EMC7: variants seen among roughly 807,000 people sequenced by gnomAD.
EMC7 encodes the protein endoplasmic reticulum membrane protein complex subunit 7.
A neutral mutation model predicts 24.4 loss-of-function variants in EMC7; 4 were observed. The ratio of observed to expected loss-of-function variants is 0.16; its 90% CI spans 0.08 to 0.38. The LOEUF (loss-of-function observed/expected upper bound fraction) is 0.38. Among genes scored for constraint, EMC7 ranks in the 10% least tolerant of loss-of-function variants. The probability of loss-of-function intolerance (pLI) is 1.00; values close to 1 mark genes in which losing one functional copy is unlikely to be tolerated. For missense variants in EMC7, 221 were observed against 300.6 expected (o/e 0.74, Z 1.96); for synonymous variants, 106 against 112.0 (o/e 0.95, Z 0.34).
rs1240474693 is a variant in EMC7, at chr15:34,095,910, G to C, written c.341C>G (p.Ser114Trp). Residue 114 changes from serine to tryptophan, a missense_variant, in exon 2 of 5, where the codon TCG (serine) becomes TGG (tryptophan). By Grantham distance (177) the Ser-to-Trp change is radical. Around this residue, in one of 2 missense-constraint regions of EMC7, gnomAD observed 156 missense variants for 177.1 expected, o/e 0.88. Transcript: ENST00000256545. ...RFDPVRVDIT[S>W]KGKMRARYVN... ...GTGCCCTCACCTCATTTTTCCTTTCGAAGTGATATCCACTCGAACGGGATC... is the reference window on the plus strand; with the variant it reads ...GTGCCCTCACCTCATTTTTCCTTTCCAAGTGATATCCACTCGAACGGGATC... The C allele has an allele frequency of 3.1e-6, 5 of 1,603,776 alleles. No individual in the cohort carries two copies. The highest frequency in any genetic ancestry group is 4.3e-6 in the Non-Finnish European group (5 of 1,172,940).
At chr15:34,092,083 T>C (rs1900980853) in intron 2 of EMC7, among the ~76,000 whole-genome samples, 4 of 152,042 alleles carry the variant, frequency 2.6e-5, no homozygotes. Flanking sequence ...CTGGCCAACA[T>C]GGTAAAACCT....
At chr15:34,085,593 AT>A (rs1210928843) in intron 4 of EMC7, among the ~76,000 whole-genome samples, 3 of 151,718 alleles carry the variant, frequency 2.0e-5, no homozygotes, top group Non-Finnish European at 2.9e-5. Flanking sequence ...CTAGGCTTCC[AT>A]TTCAAATTGA....
At chr15:34,090,277 T>C in intron 3 of EMC7, 40 bp downstream of exon 3, 1 of 1,575,176 alleles carries the variant, frequency 6.3e-7, no homozygotes, top group Non-Finnish European at 8.6e-7. Flanking sequence ...AGAAGCAAAT[T>C]AGGTATTAGT....
chr15:34,094,085 G>A (rs1315779821), intron 2 of EMC7, among the ~76,000 whole-genome samples: 1 of 151,736 alleles, frequency 6.6e-6, no homozygotes, highest in African/African-American at 2.4e-5. Context: ...AGTGGCATTA[G>A]AGTATTACTT....
At chr15:34,092,293 A>ACACACACACACACACACACACAC (rs1555523196) in intron 2 of EMC7, among the ~76,000 whole-genome samples, 1 of 151,654 alleles carries the variant, frequency 6.6e-6, no homozygotes, top group African/African-American at 2.4e-5. Context: ...ACACACACAC[A>ACACACACACACACACACACACAC]AAGAATTAGG....
intron 2 of EMC7, among the ~76,000 whole-genome samples, chr15:34,093,806 C>CACACACACACACACACACAT (rs61440619): frequency 2.0e-4 from 6 of 30,252 alleles, no homozygotes; most frequent in Admixed American, 4.3e-4. Context: ...CACACACACA[C>CACACACACACACACACACAT]ATATATATAT....
intron 1 of EMC7, among the ~76,000 whole-genome samples, chr15:34,101,291 T>A (rs1325875316): frequency 6.6e-6 from 1 of 152,118 alleles, no homozygotes; most frequent in Admixed American, 6.5e-5. Context: ...AAGAGACTAA[T>A]AAGGGTCCAC....
chr15:34,090,740 T>A (rs760587955), intron 2 of EMC7, among the ~76,000 whole-genome samples: 10 of 152,236 alleles, frequency 6.6e-5, no homozygotes, highest in South Asian at 2.1e-4. Context: ...CTAACTTCTA[T>A]TTATGTCAAA....
chr15:34,098,587 C>T (rs1171627526), intron 1 of EMC7, among the ~76,000 whole-genome samples: 8 of 150,506 alleles, frequency 5.3e-5, no homozygotes, highest in African/African-American at 2.0e-4. Flanking sequence ...TCCCTAGTAG[C>T]TGGGATTACA....
intron 1 of EMC7, among the ~76,000 whole-genome samples, chr15:34,098,844 T>C (rs1304735465): frequency 1.3e-5 from 2 of 151,736 alleles, no homozygotes; most frequent in Admixed American, 1.3e-4. Flanking sequence ...ACAAATAATA[T>C]CAGAAATAAT....
chr15:34,091,575 T>C (rs1900974139), intron 2 of EMC7, among the ~76,000 whole-genome samples: 1 of 152,182 alleles, frequency 6.6e-6, no homozygotes, highest in South Asian at 2.1e-4. Flanking sequence ...GGAGCGTAAC[T>C]ATCAGTTTTC....
At chr15:34,087,377 T>G (rs1900905943) in intron 4 of EMC7, among the ~76,000 whole-genome samples, 1 of 152,204 alleles carries the variant, frequency 6.6e-6, no homozygotes, top group Non-Finnish European at 1.5e-5. Flanking sequence ...TGGCACTAAA[T>G]TGGAAGCATC....
chr15:34,090,461 A>C lies in EMC7; in HGVS notation c.357-6T>G. On this transcript the variant is annotated splice_region_variant and splice_polypyrimidine_tract_variant and intron_variant, in intron 2 of 4. Transcript: ENST00000256545. ...TGTAATTCACATATCTTGCTCTGAT[A>C]AAGCAACATGGGGAAAGCAACAGTA... 6.2e-7 allele frequency: 1 copy of C among 1,605,178 alleles called. No homozygotes were observed. Among genetic ancestry groups the C allele is most frequent in the Non-Finnish European group, 8.5e-7 (1 of 1,176,508 alleles).
rs1247314950 is a variant in EMC7, at chr15:34,084,232, G to C, written c.*102C>G. 1 of 1,408,974 alleles carries C rather than the reference G, an allele frequency of 7.1e-7. No homozygotes were observed. Among genetic ancestry groups the C allele is most frequent in the African/African-American group, 1.4e-5 (1 of 69,530 alleles). 87.3% of individuals were successfully genotyped at this position (1,408,974 alleles called of 1,614,324 possible). ...ACACAGTTGTAAGAGATCAACGTCGGGATGACTCAAGTTTATAGTAGTTGC... is the reference window on the plus strand; with the variant it reads ...ACACAGTTGTAAGAGATCAACGTCGCGATGACTCAAGTTTATAGTAGTTGC... On this transcript the variant is annotated 3_prime_UTR_variant, in exon 5 of 5. Coordinates refer to ENST00000256545, the MANE Select transcript of EMC7 (RefSeq NM_020154.3).
chr15:34,085,400 C>T (rs1865925), intron 4 of EMC7, among the ~76,000 whole-genome samples: 22,119 of 152,146 alleles, frequency 0.15, 1,946 homozygotes, highest in South Asian at 0.26. Flanking sequence ...TTTTAAGTGA[C>T]ATTCTCAAAG....
At chr15:34,101,560 G>A in intron 1 of EMC7, 44 bp downstream of exon 1, 7 of 1,595,526 alleles carry the variant, frequency 4.4e-6, no homozygotes, top group South Asian at 3.4e-5. Context: ...GTCCCTGTCC[G>A]GCCTCCATCC....
At chr15:34,084,742 C>CT (rs11362896) in intron 4 of EMC7, among the ~76,000 whole-genome samples, 1 of 144,434 alleles carries the variant, frequency 6.9e-6, no homozygotes, top group African/African-American at 2.5e-5. Context: ...TTCTGCTTGC[C>CT]TTTTTTTTTT....
At chr15:34,096,054 C>T (rs1901060686) in intron 1 of EMC7, 40 bp from the exon 2 acceptor site, 1 of 1,464,012 alleles carries the variant, frequency 6.8e-7, no homozygotes, top group Non-Finnish European at 9.2e-7. Flanking sequence ...TACTGATCAA[C>T]AGCTTAGTCT....
intron 2 of EMC7, among the ~76,000 whole-genome samples, chr15:34,092,687 T>C (rs1301038326): frequency 6.6e-6 from 1 of 152,084 alleles, no homozygotes; most frequent in Non-Finnish European, 1.5e-5. Flanking sequence ...AATTTTTTCT[T>C]TTTTTTAATT....
Sources: gnomAD v4.1 joint callset for allele counts (sites outside exome capture counted in the v4.1 genomes callset) on GRCh38, gnomAD v4.1.1 for gene constraint, gnomAD v4.1.1 regional missense constraint, MANE v1.5 for transcripts, NCBI Gene and HGNC (gene_info 2026-07-23, HGNC 2026-07-21) for gene names.